JMJD6: variants seen among roughly 807,000 people sequenced by gnomAD.
JMJD6 encodes bifunctional arginine demethylase and lysyl-hydroxylase JMJD6.
A neutral mutation model predicts 45.8 loss-of-function variants in JMJD6; 17 were observed. The observed-to-expected ratio is 0.37, with a 90% CI of 0.25 to 0.56. JMJD6 has a LOEUF of 0.56. JMJD6 is among the 20% of genes least tolerant of loss of function. The probability of loss-of-function intolerance (pLI) is 0.79; values close to 1 mark genes in which losing one functional copy is unlikely to be tolerated. For synonymous variants in JMJD6, 221 were observed against 196.3 expected (o/e 1.13, Z -1.05); for missense variants, 470 against 517.5 (o/e 0.91, Z 0.89).
downstream of JMJD6, among the ~76,000 whole-genome samples, chr17:76,716,940 A>G (rs2076769237): frequency 6.6e-6 from 1 of 152,248 alleles, no homozygotes; most frequent in South Asian, 2.1e-4. Flanking sequence ...AGGCAGGAAG[A>G]GTCTAAGTAT....
intron 2 of JMJD6, 88 bp downstream of exon 2, chr17:76,725,379 C>T (rs2076899310): frequency 7.8e-7 from 1 of 1,278,726 alleles, no homozygotes. Context: ...GCACTGCAGC[C>T]TGGGCTACAA....
intron 4 of JMJD6, 60 bp from the exon 5 acceptor site, chr17:76,720,558 C>T (rs2076811014): frequency 6.4e-7 from 1 of 1,572,926 alleles, no homozygotes; most frequent in African/African-American, 1.3e-5. Context: ...CACAAAGACT[C>T]ACTCAGAGTC....
Position 76,724,038 on chromosome 17 carries a change from G to A in JMJD6, c.539C>T (p.Pro180Leu), listed in dbSNP as rs567322355. ...PPYRWFVMGP[P>L]RSGTGIHIDP... ...GATGTGAATCCCAGTTCCGGAGCGTGGTGGCCCCATCACAAACCACCTACA... is the reference window on the plus strand; with the variant it reads ...GATGTGAATCCCAGTTCCGGAGCGTAGTGGCCCCATCACAAACCACCTACA... The change falls in exon 3 of 6, where the codon CCA becomes CTA. Residue 180 changes from proline to leucine, a missense_variant. This residue lies in a region of JMJD6 where 346 missense variants were observed against 339.5 expected (regional missense o/e 1.02). Transcript: ENST00000397625. 3.1e-6 allele frequency: 5 copies of A among 1,614,028 alleles called. No homozygotes were observed. The South Asian group carries it at 5.5e-5, about 18-fold the overall frequency.
rs375092056 is a variant in JMJD6 at position 76,720,462 on chromosome 17, G to A, written c.978C>T (p.Leu326=). ...ACTCCTGAAGGTCAACCGAGTCTGC[G>A]AGGACTGCCAACTCGGGGTGCTCTT... The part of the protein sequence containing the change: ...LKQEHPELAV[L]ADSVDLQEST... The change falls in exon 5 of 6, where the codon CTC becomes CTT. Residue 326 remains leucine (L), a synonymous_variant. Coordinates refer to ENST00000397625, the MANE Select transcript of JMJD6 (RefSeq NM_015167.3). The A allele has an allele frequency of 5.9e-5, 95 of 1,614,054 alleles. 1 individual carries two copies. Among genetic ancestry groups the A allele is most frequent in the South Asian group, 2.6e-4 (24 of 91,084 alleles).
downstream of JMJD6, chr17:76,713,836 T>C (rs1300418469): frequency 6.6e-6 from 1 of 152,238 alleles, no homozygotes; most frequent in African/African-American, 2.4e-5. Context: ...AATTATGCTC[T>C]TTCATGTAGA....
At chr17:76,720,929 T>C (rs745411684) in intron 4 of JMJD6, among the ~76,000 whole-genome samples, 6 of 152,198 alleles carry the variant, frequency 3.9e-5, no homozygotes, top group Non-Finnish European at 7.3e-5. Flanking sequence ...ATTGGTTAGA[T>C]TCTATTTCTA....
In JMJD6 at chr17:76,725,473, G is replaced by T; in HGVS notation, c.512C>A (p.Pro171His). Reference sequence around the variant, plus strand: ...TAGCTGCAGAATACTTTACCTGTAAGGGGGCCTGCGCTTCTCCCCAGCATA... The same window carrying T: ...TAGCTGCAGAATACTTTACCTGTAATGGGGCCTGCGCTTCTCCCCAGCATA... The part of the protein sequence containing the change: ...FQYAGEKRRP[P>H]YRWFVMGPPR... The change falls in exon 2 of 6, where the codon CCT (proline) becomes CAT (histidine). Residue 171 changes from proline (P) to histidine (H), a missense_variant. Coordinates refer to ENST00000397625, the MANE Select transcript of JMJD6 (RefSeq NM_015167.3). 1 of 1,601,954 alleles carries T rather than the reference G, an allele frequency of 6.2e-7. No homozygotes were observed. The highest frequency in any genetic ancestry group is 8.5e-7 in the Non-Finnish European group (1 of 1,175,250).
downstream of JMJD6, among the ~76,000 whole-genome samples, chr17:76,717,640 G>C (rs2076774833): frequency 6.6e-6 from 1 of 151,962 alleles, no homozygotes; most frequent in Admixed American, 6.6e-5. Context: ...TTGAGGTGAG[G>C]AGTTCAAGAC....
intron 5 of JMJD6, among the ~76,000 whole-genome samples, chr17:76,719,623 C>A (rs1301565782): frequency 5.9e-5 from 9 of 152,116 alleles, no homozygotes; most frequent in Non-Finnish European, 1.2e-4. Flanking sequence ...GGTGCAGGGC[C>A]CTCTCACCCA....
downstream of JMJD6, chr17:76,718,412 G>A (rs1021384552): frequency 5.5e-6 from 7 of 1,268,650 alleles, no homozygotes; most frequent in Non-Finnish European, 7.0e-6. Flanking sequence ...GAGCAATAAG[G>A]GAATGTTCTG....
Position 76,718,821 on chromosome 17 carries a change from T to C in JMJD6, c.1120A>G (p.Arg374Gly). ...ATGCTGCACGTCCTCCTCTTCTTCC[T>C]GCGGTGCACTGTCCCATCGCCCTCG... The part of the protein sequence containing the change: ...GSEGDGTVHR[R>G]KKRRTCSMVG... The change falls in exon 6 of 6, where the codon AGG (arginine) becomes GGG (glycine). Residue 374 changes from arginine to glycine, a missense_variant. By Grantham distance (125) the Arg-to-Gly change is moderately radical. Coordinates refer to ENST00000397625, the MANE Select transcript of JMJD6 (RefSeq NM_015167.3). The C allele has an allele frequency of 1.2e-6, 2 of 1,614,268 alleles. No individual in the cohort carries two copies. The highest frequency in any genetic ancestry group is 1.7e-6 in the Non-Finnish European group (2 of 1,180,046).
intron 1 of JMJD6, 38 bp downstream of exon 1, chr17:76,726,307 GCC>G (rs2076932069): frequency 1.3e-6 from 2 of 1,529,052 alleles, no homozygotes; most frequent in Admixed American, 2.1e-5. Context: ...GGCTGGAGGT[GCC>G]GATGCCCGGC....
At chr17:76,721,343 G>A (rs754597062) in intron 4 of JMJD6, 2 of 447,146 alleles carry the variant, frequency 4.5e-6, no homozygotes, top group Non-Finnish European at 9.1e-6. Context: ...GCCGCTGCCC[G>A]TGCTGTATCT....
In JMJD6 at chr17:76,723,885, T is replaced by G. The variant is rs757530255; in HGVS notation, c.692A>C (p.Glu231Ala). 1 of 1,614,150 alleles carries G rather than the reference T, an allele frequency of 6.2e-7. No individual in the cohort carries two copies. The highest frequency in any genetic ancestry group is 2.2e-5 in the East Asian group (1 of 44,886). Residue 231 changes from glutamate to alanine, a missense_variant, in exon 3 of 6, where the codon GAA (glutamate) becomes GCA (alanine). Glu to Ala is a moderately radical substitution (Grantham distance 107, BLOSUM62 -1). Coordinates refer to ENST00000397625, the MANE Select transcript of JMJD6 (RefSeq NM_015167.3). ...AATAACATTAAACCAGGTAATAGCT[T>G]CGTCTTGCTGGTTCCCTCCTTCGTC... Reference protein sequence around the residue: ...TRDEGGNQQDEAITWFNVIYP... With the variant: ...TRDEGGNQQDAAITWFNVIYP...
chr17:76,724,863 T>G (rs1568001261), intron 2 of JMJD6, among the ~76,000 whole-genome samples: 1 of 152,000 alleles, frequency 6.6e-6, no homozygotes, highest in Non-Finnish European at 1.5e-5. Context: ...CTAATGTGGT[T>G]TATTGCTGGA....
Position 76,718,579 on chromosome 17 carries a change from C to T in JMJD6, c.*150G>A, listed in dbSNP as rs755452447. On this transcript the variant is annotated 3_prime_UTR_variant, in exon 6 of 6. Transcript: ENST00000397625. Reference sequence around the variant, plus strand: ...GCAGAGGGAAAGCTACTGGAGCAAACGCTAAGTGAATGGGTTCCCGTGCCG... The same window carrying T: ...GCAGAGGGAAAGCTACTGGAGCAAATGCTAAGTGAATGGGTTCCCGTGCCG... 8 of 1,427,446 alleles carry T rather than the reference C, an allele frequency of 5.6e-6. No individual in the cohort carries two copies. The highest frequency in any genetic ancestry group is 5.3e-5 in the East Asian group (2 of 37,964). 88.4% of individuals were successfully genotyped at this position (1,427,446 alleles called of 1,614,324 possible). A position where few individuals can be genotyped will look rare whatever the true frequency, so the allele number is the denominator to read the frequency against.
At position 76,726,553 on chromosome 17, in the gene JMJD6, TG is replaced by T. The variant is rs1216055782; in HGVS notation, c.-79del. 1.3e-6 allele frequency: 2 copies of T among 1,497,346 alleles called. No individual in the cohort carries two copies. Among genetic ancestry groups the T allele is most frequent in the African/African-American group, 1.5e-5 (1 of 68,774 alleles). The allele number at this position is 1,497,346 out of a possible 1,614,324, so 92.8% of individuals were successfully genotyped here. A position where few individuals can be genotyped will look rare whatever the true frequency, so the allele number is the denominator to read the frequency against. ...GACACTAACGCACCCCTCCCCGGCC[TG>T]GGCGGCGGCGACGGCAGTACCCAAA... On this transcript the variant is annotated 5_prime_UTR_variant, in exon 1 of 6. Coordinates refer to ENST00000397625, the MANE Select transcript of JMJD6 (RefSeq NM_015167.3).
chr17:76,725,839 GC>G lies in JMJD6; in HGVS notation c.145del (p.Ala49GlnfsTer25). The G allele has an allele frequency of 6.2e-7, 1 of 1,610,890 alleles. No individual in the cohort carries two copies. Among genetic ancestry groups the G allele is most frequent in the East Asian group, 2.2e-5 (1 of 44,826 alleles). The stretch of plus-strand genomic sequence containing the variant: ...TTCCACAGACAGCTGTAAAGCATCT[GC>G]CCTTTCCACGTTATCCTGAGGGAAT... ...PAAVADNVER[A>X]DALQLSVEEF... is the part of the protein sequence containing the mutation. On this transcript the variant is annotated frameshift_variant, in exon 2 of 6. Transcript: ENST00000397625. LOFTEE classifies it high-confidence loss of function.
In JMJD6 at chr17:76,720,496, A is replaced by T. The variant is rs761747619; in HGVS notation, c.944T>A (p.Ile315Asn). The T allele has an allele frequency of 6.2e-7, 1 of 1,614,014 alleles. No homozygotes were observed. The highest frequency in any genetic ancestry group is 1.1e-5 in the South Asian group (1 of 91,084). ...RPKLSRKWYR[I>N]LKQEHPELAV... is the part of the protein sequence containing the mutation. ...CAACTCGGGGTGCTCTTGCTTCAAA[A>T]TCCTGAGAGGCAAGAAGTGTTGTTC... The change falls in exon 5 of 6, where the codon ATT (isoleucine) becomes AAT (asparagine). Residue 315 changes from isoleucine to asparagine, a missense_variant and splice_region_variant. Physicochemically the swap from Ile to Asn is moderately radical, Grantham distance 149. Transcript: ENST00000397625.
Sources: gnomAD v4.1 joint callset for allele counts (sites outside exome capture counted in the v4.1 genomes callset) on GRCh38, gnomAD v4.1.1 for gene constraint, gnomAD v4.1.1 regional missense constraint, MANE v1.5 for transcripts, NCBI Gene and HGNC (gene_info 2026-07-23, HGNC 2026-07-21) for gene names.